The following CD55 variants were observed in gnomAD, a reference collection of about 807,000 sequenced individuals.
CD55 encodes complement decay-accelerating factor.
Under a neutral mutation model 45.8 loss-of-function variants are expected in CD55, and 41 were observed. The observed-to-expected ratio is 0.90, with a 90% CI of 0.70 to 1.16. CD55 has a LOEUF of 1.16. CD55 is among the 50% of genes most tolerant of loss of function. The pLI, the probability that CD55 is intolerant of heterozygous loss-of-function variation, is 0.00. For synonymous variants in CD55, 181 were observed against 181.1 expected, an observed-to-expected ratio of 1.00 and a Z score of 0.01; for missense variants, 416 against 469.8, an observed-to-expected ratio of 0.89 and a Z score of 1.06.
intron 2 of CD55, among the ~76,000 whole-genome samples, chr1:207,323,322 A>C (rs1654518231): frequency 6.6e-6 from 1 of 151,642 alleles, no homozygotes; most frequent in Non-Finnish European, 1.5e-5. Context: ...GAGATGTATA[A>C]ACTGGGATAT....
intron 6 of CD55, 137 bp from the exon 7 acceptor site, chr1:207,336,556 A>C (rs912156300): frequency 3.3e-6 from 3 of 915,842 alleles, no homozygotes; most frequent in Admixed American, 2.5e-5. Flanking sequence ...ATACTCAATA[A>C]GAGTTGGTTT....
intron 9 of CD55, among the ~76,000 whole-genome samples, chr1:207,358,959 G>A (rs1370462694): frequency 1.3e-5 from 2 of 152,116 alleles, no homozygotes; most frequent in African/African-American, 2.4e-5. Context: ...ATGATAATTT[G>A]CATCATGAGA....
chr1:207,359,285 T>C (rs955268564), intron 9 of CD55, among the ~76,000 whole-genome samples: 1 of 152,210 alleles, frequency 6.6e-6, no homozygotes, highest in Non-Finnish European at 1.5e-5. Flanking sequence ...TGAAGGTACC[T>C]TAATTCATTC....
At chr1:207,336,564 T>A in intron 6 of CD55, 129 bp from the exon 7 acceptor site, 1 of 1,055,730 alleles carries the variant, frequency 9.5e-7, no homozygotes. Flanking sequence ...TAAGAGTTGG[T>A]TTCCTGAAAG....
intron 9 of CD55, among the ~76,000 whole-genome samples, chr1:207,352,413 C>G (rs1352489506): frequency 6.6e-6 from 1 of 152,004 alleles, no homozygotes; most frequent in African/African-American, 2.4e-5. Flanking sequence ...TAACTTTCAT[C>G]AGGTATCACC....
chr1:207,336,940 A>C, intron 7 of CD55, 122 bp downstream of exon 7: 1 of 1,102,598 alleles, frequency 9.1e-7, no homozygotes, highest in South Asian at 1.4e-5. Flanking sequence ...TCACACCAAC[A>C]CCTTAGAAAC....
chr1:207,335,794 A>G (rs899424295), intron 6 of CD55, among the ~76,000 whole-genome samples: 1 of 152,166 alleles, frequency 6.6e-6, no homozygotes, highest in Non-Finnish European at 1.5e-5. Context: ...GGCAACAGTC[A>G]TCCTGGATGA....
At chr1:207,347,247 G>A (rs1184342887) in intron 9 of CD55, 2 of 450,808 alleles carry the variant, frequency 4.4e-6, no homozygotes, top group African/African-American at 2.0e-5. Flanking sequence ...GGATACCAAA[G>A]GGAAAATGGG....
intron 9 of CD55, among the ~76,000 whole-genome samples, chr1:207,353,662 T>G (rs1284795881): frequency 5.9e-5 from 9 of 152,212 alleles, no homozygotes; most frequent in Admixed American, 5.9e-4. Flanking sequence ...ATAATCTTTC[T>G]GTGATACGTT....
intron 9 of CD55, among the ~76,000 whole-genome samples, chr1:207,356,661 T>A (rs1219167527): frequency 6.6e-6 from 1 of 152,212 alleles, no homozygotes; most frequent in Non-Finnish European, 1.5e-5. Flanking sequence ...CTACCTCATA[T>A]GATTATAATC....
At chr1:207,331,327 T>G (rs1489776653) in intron 6 of CD55, 31 bp downstream of exon 6, 3 of 1,563,074 alleles carry the variant, frequency 1.9e-6, no homozygotes, top group Non-Finnish European at 2.6e-6. Context: ...TATTTTTGCT[T>G]TATTCTTACC....
chr1:207,322,935 T>C (rs1358482371), intron 2 of CD55, among the ~76,000 whole-genome samples: 1 of 152,178 alleles, frequency 6.6e-6, no homozygotes, highest in African/African-American at 2.4e-5. Flanking sequence ...AATACAACTC[T>C]GTGGTGGCAT....
At chr1:207,337,788 C>T (rs1655252749) in intron 8 of CD55, 1 of 161,586 alleles carries the variant, frequency 6.2e-6, no homozygotes, top group Non-Finnish European at 1.3e-5. Context: ...GATAGAGATC[C>T]ATCCCTCAAA....
chr1:207,355,873 T>G (rs1202353740), intron 9 of CD55, among the ~76,000 whole-genome samples: 1 of 152,130 alleles, frequency 6.6e-6, no homozygotes, highest in South Asian at 2.1e-4. Flanking sequence ...GTTGAAACAC[T>G]TAAGAAGCCT....
Position 207,321,684 on chromosome 1 carries a change from A to T in CD55, c.-82A>T. On this transcript the variant is annotated 5_prime_UTR_variant, in exon 1 of 10. Transcript: ENST00000367064. ...TTGCGGAGCCACGAGGCTTCTGCTT[A>T]CTGCAACTCGCTCCGGCCGCTGGGC... 2.0e-6 allele frequency: 2 copies of T among 1,021,114 alleles called. No individual in the cohort carries two copies. Among genetic ancestry groups the T allele is most frequent in the Non-Finnish European group, 2.8e-6 (2 of 724,090 alleles). 63.3% of individuals were successfully genotyped at this position (1,021,114 alleles called of 1,614,324 possible).
chr1:207,330,231 A>G (rs965935046), intron 5 of CD55, among the ~76,000 whole-genome samples: 5 of 152,160 alleles, frequency 3.3e-5, no homozygotes, highest in African/African-American at 1.2e-4. Flanking sequence ...ATCCAAGACC[A>G]AAGAGTGATT....
chr1:207,359,678 G>T lies in CD55; in HGVS notation c.*68G>T. 1 of 1,525,438 alleles carries T rather than the reference G, an allele frequency of 6.6e-7. No homozygotes were observed. The highest frequency in any genetic ancestry group is 8.8e-7 in the Non-Finnish European group (1 of 1,141,696). 94.5% of individuals were successfully genotyped at this position (1,525,438 alleles called of 1,614,324 possible). A position where few individuals can be genotyped will look rare whatever the true frequency, so the allele number is the denominator to read the frequency against. On this transcript the variant is annotated 3_prime_UTR_variant, in exon 10 of 10. Coordinates refer to ENST00000367064, the MANE Select transcript of CD55 (RefSeq NM_000574.5). ...TGTTCCTAGTTTCTTAGACTTATCT[G>T]CATATTGGATAAAATAAATGCAATT...
rs28371635 is a variant in CD55 at position 207,352,669 on chromosome 1, G to C, written c.1082-6877G>C. On this transcript the variant is annotated intron_variant, in intron 9 of 9. Transcript: ENST00000367064. ...ATGTGAAGTATTTGAAGCTTAATGT[G>C]ATTAGTGGGTATGAAAACTCCAAGC... 9.7e-3 allele frequency among the ~76,000 whole-genome samples: 1,478 copies of C among 152,212 alleles called. 23 individuals are homozygous for C. Among genetic ancestry groups the C allele is most frequent in the African/African-American group, 0.034 (1,424 of 41,520 alleles).
rs1654537550 is a variant in CD55 at position 207,323,706 on chromosome 1, C to A, written c.287-853C>A. Among the ~76,000 whole-genome samples, 2 of 152,148 alleles carry A rather than the reference C, an allele frequency of 1.3e-5. 1 individual carries two copies. Among genetic ancestry groups the A allele is most frequent in the South Asian group, 4.1e-4 (2 of 4,834 alleles). On this transcript the variant is annotated intron_variant, in intron 2 of 9. Transcript: ENST00000367064. ...CTTTAGAAGCCATGCGTGAAATAGGCTTTAACTTTTTATTTTTATCCACAA... is the reference window on the plus strand; with the variant it reads ...CTTTAGAAGCCATGCGTGAAATAGGATTTAACTTTTTATTTTTATCCACAA...
Sources: allele counts gnomAD v4.1 joint callset (sites outside exome capture counted in the v4.1 genomes callset), GRCh38; gene constraint gnomAD v4.1.1; transcripts MANE v1.5; gene names NCBI Gene and HGNC (gene_info 2026-07-23, HGNC 2026-07-21).